KLRG1: variants seen among roughly 807,000 people sequenced by gnomAD.
KLRG1 encodes killer cell lectin-like receptor subfamily G member 1.
KLRG1 carries 16 observed loss-of-function variants against 21.8 expected under a neutral mutation model. That is an observed-to-expected ratio of 0.73 (90% confidence interval 0.50 to 1.11). The LOEUF is 1.11. Among genes scored for constraint, KLRG1 ranks in the 50% most tolerant of loss-of-function variants. The pLI is 0.00. For synonymous variants in KLRG1, 69 were observed against 75.9 expected, an observed-to-expected ratio of 0.91 and a Z score of 0.47; for missense variants, 173 against 218.3, an observed-to-expected ratio of 0.79 and a Z score of 1.31.
At chr12:9,160,133 G>T in the KLRG1 span, 1 of 1,195,254 alleles carries the variant, frequency 8.4e-7, no homozygotes, top group Non-Finnish European at 1.2e-6. Context: ...GACCTTCTGT[G>T]ATCTGCCATA....
the KLRG1 span, chr12:9,099,278 T>A: frequency 9.1e-7 from 1 of 1,094,576 alleles, no homozygotes; most frequent in Non-Finnish European, 1.3e-6. Context: ...CTGGGGAATT[T>A]GTTTAACCCT....
chr12:9,122,771 T>C, the KLRG1 span, among the ~76,000 whole-genome samples: 4 of 152,174 alleles, frequency 2.6e-5, no homozygotes, highest in Admixed American at 2.6e-4. Context: ...ATAGTGTAGC[T>C]TTCATAATTC....
intron 1 of KLRG1, among the ~76,000 whole-genome samples, chr12:8,953,915 T>A (rs975473812): frequency 6.6e-6 from 1 of 152,044 alleles, no homozygotes; most frequent in African/African-American, 2.4e-5. Flanking sequence ...GATTAGAGAT[T>A]CAGATCTCTG....
At chr12:9,196,813 A>T in the KLRG1 span, 4 of 816,112 alleles carry the variant, frequency 4.9e-6, no homozygotes, top group South Asian at 6.4e-5. Context: ...ACCTTCGAGA[A>T]CTTAATACTC....
At chr12:9,110,329 T>A in the KLRG1 span, 2 of 1,447,430 alleles carry the variant, frequency 1.4e-6, no homozygotes, top group Non-Finnish European at 1.9e-6. Flanking sequence ...TGTATACTAG[T>A]GGAATCTGAA....
At chr12:8,965,280 A>T (rs1946449212) in intron 1 of KLRG1, among the ~76,000 whole-genome samples, 1 of 152,200 alleles carries the variant, frequency 6.6e-6, no homozygotes, top group African/African-American at 2.4e-5. Flanking sequence ...TGGGCACAAG[A>T]CAGGGATGCC....
At chr12:9,177,658 G>A in the KLRG1 span, among the ~76,000 whole-genome samples, 2 of 152,146 alleles carry the variant, frequency 1.3e-5, no homozygotes, top group African/African-American at 2.4e-5. Context: ...TTTATATTGG[G>A]TGAACTAATG....
intron 1 of KLRG1, among the ~76,000 whole-genome samples, chr12:8,973,665 A>G (rs749683881): frequency 3.9e-5 from 6 of 152,234 alleles, no homozygotes; most frequent in Non-Finnish European, 8.8e-5. Context: ...AACAGTAATA[A>G]TTCTTCCTAT....
the KLRG1 span, among the ~76,000 whole-genome samples, chr12:9,021,713 AAAAC>A: frequency 6.6e-6 from 1 of 152,014 alleles, no homozygotes; most frequent in Non-Finnish European, 1.5e-5. Context: ...TTTTTTTTAA[AAAAC>A]AAGACATAAG....
At chr12:9,160,469 A>G in the KLRG1 span, 6 of 1,613,718 alleles carry the variant, frequency 3.7e-6, no homozygotes, top group African/African-American at 2.7e-5. Context: ...TATATTTTGC[A>G]TAGCAGAACC....
At chr12:9,161,314 A>G in the KLRG1 span, among the ~76,000 whole-genome samples, 2 of 152,206 alleles carry the variant, frequency 1.3e-5, no homozygotes, top group South Asian at 2.1e-4. Context: ...AACATATTCA[A>G]TTTCAACGAA....
At chr12:9,187,819 T>C in the KLRG1 span, among the ~76,000 whole-genome samples, 1 of 152,204 alleles carries the variant, frequency 6.6e-6, no homozygotes, top group East Asian at 1.9e-4. Context: ...CCCTAATCAC[T>C]ACTTGCTCTT....
chr12:9,035,592 T>TAGAA, the KLRG1 span, among the ~76,000 whole-genome samples: 3 of 107,908 alleles, frequency 2.8e-5, no homozygotes, highest in African/African-American at 1.0e-4. Context: ...GAACTTAAAG[T>TAGAA]AAAAAAAAAA....
At chr12:9,031,687 G>A in the KLRG1 span, among the ~76,000 whole-genome samples, 3 of 152,352 alleles carry the variant, frequency 2.0e-5, no homozygotes, top group African/African-American at 7.2e-5. Flanking sequence ...TCGGGGCACA[G>A]CTTAGTTTTA....
chr12:8,991,144 A>T lies in KLRG1; in HGVS notation c.83-1062A>T, dbSNP rs567902356. ...AATGTTATTAAGCAAAGGAATCAAA[A>T]TTAGAAGTTAAATATCATCTTACTT... On this transcript the variant is annotated intron_variant, in intron 1 of 4. Transcript: ENST00000356986. Among the ~76,000 whole-genome samples, 19 of 152,322 alleles carry T rather than the reference A, an allele frequency of 1.2e-4. No individual in the cohort carries two copies. The South Asian group carries it at 3.9e-3, about 32-fold the overall frequency.
At chr12:9,176,112 G>A in the KLRG1 span, among the ~76,000 whole-genome samples, 1 of 152,174 alleles carries the variant, frequency 6.6e-6, no homozygotes, top group Non-Finnish European at 1.5e-5. Flanking sequence ...TATACACAAT[G>A]GAATACTATG....
chr12:9,021,486 C>T, the KLRG1 span, among the ~76,000 whole-genome samples: 48,534 of 150,126 alleles, frequency 0.32, 7,894 homozygotes, highest in Admixed American at 0.38. Context: ...CTGTGACCTC[C>T]GCCTCCTGGG....
chr12:9,030,224 T>C, the KLRG1 span, among the ~76,000 whole-genome samples: 2 of 152,040 alleles, frequency 1.3e-5, no homozygotes, highest in African/African-American at 2.4e-5. Context: ...TGAGAACGGG[T>C]AGTGGATGGG....
chr12:9,025,034 C>A, the KLRG1 span, among the ~76,000 whole-genome samples: 1 of 151,974 alleles, frequency 6.6e-6, no homozygotes. Context: ...GAACAAAATG[C>A]CAAAGAGTTG....
Sources: gnomAD v4.1 joint callset for allele counts (sites outside exome capture counted in the v4.1 genomes callset) on GRCh38, gnomAD v4.1.1 for gene constraint, MANE v1.5 for transcripts, NCBI Gene and HGNC (gene_info 2026-07-23, HGNC 2026-07-21) for gene names.